Variants in FRMD6 observed in about 807,000 individuals in gnomAD.
FRMD6 encodes FERM domain containing 6, also known as FERM domain-containing protein 6.
A neutral mutation model predicts 73.2 loss-of-function variants in FRMD6; 37 were observed. The observed-to-expected ratio is 0.51, with a 90% confidence interval of 0.39 to 0.66. The LOEUF (loss-of-function observed/expected upper bound fraction) is 0.66, where lower values mean the gene tolerates loss of function less well. Among genes scored for constraint, FRMD6 ranks in the 30% least tolerant of loss-of-function variants. The pLI is 0.00. For synonymous variants in FRMD6, 273 were observed against 282.2 expected, an observed-to-expected ratio of 0.97 and a Z score of 0.33; for missense variants, 714 against 780.5, an observed-to-expected ratio of 0.91 and a Z score of 1.02.
At chr14:51,481,704 C>G in the FRMD6 span, among the ~76,000 whole-genome samples, 1 of 152,178 alleles carries the variant, frequency 6.6e-6, no homozygotes, top group Non-Finnish European at 1.5e-5. Flanking sequence ...TATCCCAGGC[C>G]CTGAAAAGGG....
chr14:51,492,015 AG>A (rs1246385049), intron 1 of FRMD6, among the ~76,000 whole-genome samples: 10 of 152,186 alleles, frequency 6.6e-5, no homozygotes, highest in African/African-American at 1.9e-4. Flanking sequence ...TTTACAAACA[AG>A]GGCTGTGCAT....
At chr14:51,440,798 G>A in the FRMD6 span, among the ~76,000 whole-genome samples, 1 of 152,196 alleles carries the variant, frequency 6.6e-6, no homozygotes, top group African/African-American at 2.4e-5. Context: ...TATAAATCAT[G>A]TGTCTGAATT....
intron 2 of FRMD6, among the ~76,000 whole-genome samples, chr14:51,594,333 TA>T (rs1217764437): frequency 3.0e-4 from 45 of 150,080 alleles, no homozygotes; most frequent in East Asian, 2.5e-3. Flanking sequence ...TTTATTTATT[TA>T]TTTATTTTTT....
chr14:51,594,213 C>T (rs1260389797), intron 2 of FRMD6, among the ~76,000 whole-genome samples: 4 of 152,170 alleles, frequency 2.6e-5, no homozygotes, highest in Non-Finnish European at 5.9e-5. Context: ...TAAACTCCAC[C>T]TCCTGGGTTC....
chr14:51,550,094 C>T (rs542404971), intron 1 of FRMD6, among the ~76,000 whole-genome samples: 2 of 152,234 alleles, frequency 1.3e-5, no homozygotes, highest in African/African-American at 4.8e-5. Context: ...TCTAAGATCC[C>T]GGTAATGCTG....
chr14:51,462,357 G>A, the FRMD6 span, among the ~76,000 whole-genome samples: 3 of 152,220 alleles, frequency 2.0e-5, no homozygotes, highest in African/African-American at 7.2e-5. Flanking sequence ...GAGATGCTGT[G>A]TACGTGGTAA....
At chr14:51,480,058 G>A in the FRMD6 span, among the ~76,000 whole-genome samples, 1 of 152,312 alleles carries the variant, frequency 6.6e-6, no homozygotes, top group Admixed American at 6.5e-5. Flanking sequence ...ATGTTTGGAA[G>A]GGGTGGATCA....
At chr14:51,647,449 A>G (rs1892127481), upstream of FRMD6, among the ~76,000 whole-genome samples, 1 of 152,240 alleles carries the variant, frequency 6.6e-6, no homozygotes, top group South Asian at 2.1e-4. Context: ...AATAATAAAA[A>G]GAGCATTTTA....
intron 1 of FRMD6, among the ~76,000 whole-genome samples, chr14:51,536,897 G>A (rs1378102444): frequency 6.6e-6 from 1 of 152,178 alleles, no homozygotes; most frequent in Non-Finnish European, 1.5e-5. Flanking sequence ...AGCAGCTTTA[G>A]GTTCACAGGA....
intron 1 of FRMD6, among the ~76,000 whole-genome samples, chr14:51,657,660 A>T (rs562197367): frequency 6.6e-6 from 1 of 152,320 alleles, no homozygotes; most frequent in South Asian, 2.1e-4. Context: ...TGGCTCTAAA[A>T]AATGTTGAGC....
the FRMD6 span, among the ~76,000 whole-genome samples, chr14:51,413,968 T>A: frequency 6.6e-6 from 1 of 152,222 alleles, no homozygotes; most frequent in South Asian, 2.1e-4. Context: ...TTTTGAGAAG[T>A]GTCTGTTCAT....
chr14:51,472,138 G>A, the FRMD6 span, among the ~76,000 whole-genome samples: 1 of 152,022 alleles, frequency 6.6e-6, no homozygotes, highest in Non-Finnish European at 1.5e-5. Context: ...TCCCCTAAGT[G>A]AAGGACACAG....
At chr14:51,561,980 A>G (rs899093246) in intron 1 of FRMD6, among the ~76,000 whole-genome samples, 2 of 152,248 alleles carry the variant, frequency 1.3e-5, no homozygotes, top group African/African-American at 4.8e-5. Flanking sequence ...TTCCAGAATT[A>G]GCCAATTCAG....
chr14:51,426,344 C>T, the FRMD6 span, among the ~76,000 whole-genome samples: 19 of 152,152 alleles, frequency 1.2e-4, no homozygotes, highest in African/African-American at 4.1e-4. Context: ...TGACTGTGCC[C>T]GCGTCTGTGT....
Position 51,622,758 on chromosome 14 carries a change from ATT to A in FRMD6, c.-147+52349_-147+52350del, listed in dbSNP as rs1261074569. 2.6e-5 allele frequency among the ~76,000 whole-genome samples: 4 copies of A among 152,158 alleles called. No individual in the cohort carries two copies. In the East Asian group the frequency reaches 7.7e-4, roughly 29 times the overall value. On this transcript the variant is annotated intron_variant, in intron 2 of 14. Transcript: ENST00000356218. The stretch of plus-strand genomic sequence containing the variant: ...TCTAATTCTTTCTCTGCACTGACGC[ATT>A]GTGTGGCTTTGTTTTTGTTTTTTGA...
chr14:51,484,713 G>T (rs555424950), upstream of FRMD6, among the ~76,000 whole-genome samples: 1 of 152,230 alleles, frequency 6.6e-6, no homozygotes, highest in Non-Finnish European at 1.5e-5. Context: ...CTGGAAGAGA[G>T]CCTAGGAAAT....
At chr14:51,708,322 A>G (rs1896750326) in intron 7 of FRMD6, 89 bp downstream of exon 7, 3 of 1,235,994 alleles carry the variant, frequency 2.4e-6, no homozygotes, top group South Asian at 1.5e-5. Flanking sequence ...TTTCATTTCC[A>G]TTAAAACTTA....
chr14:51,456,551 A>G, the FRMD6 span, among the ~76,000 whole-genome samples: 1,012 of 152,222 alleles, frequency 6.6e-3, 8 homozygotes, highest in African/African-American at 0.023. Context: ...CCAGTCTATC[A>G]TTGATGGGCA....
the FRMD6 span, chr14:51,436,927 A>AGGGGAGGGAGAG: frequency 1.0e-6 from 1 of 1,004,462 alleles, no homozygotes; most frequent in African/African-American, 1.6e-5. Context: ...ATGATGATGA[A>AGGGGAGGGAGAG]GGGGAGGGAG....
Sources: allele counts gnomAD v4.1 joint callset (sites outside exome capture counted in the v4.1 genomes callset), GRCh38; gene constraint gnomAD v4.1.1; transcripts MANE v1.5; gene names NCBI Gene and HGNC (gene_info 2026-07-23, HGNC 2026-07-21).